The following FGF17 variants were observed in gnomAD, a reference collection of about 807,000 sequenced individuals.
FGF17 encodes fibroblast growth factor 17.
FGF17 carries 5 observed loss-of-function variants against 23.5 expected under a neutral mutation model. The ratio of observed to expected loss-of-function variants is 0.21; its 90% CI spans 0.11 to 0.45. The LOEUF (loss-of-function observed/expected upper bound fraction) is 0.45, where lower values mean the gene tolerates loss of function less well. Among genes scored for constraint, FGF17 ranks in the 20% least tolerant of loss-of-function variants. The pLI is 0.99. For missense variants in FGF17, 221 were observed against 306.9 expected, an observed-to-expected ratio of 0.72 and a Z score of 2.09; for synonymous variants, 136 against 123.0, an observed-to-expected ratio of 1.11 and a Z score of -0.70.
intron 4 of FGF17, among the ~76,000 whole-genome samples, chr8:22,047,546 T>G (rs371672532): frequency 6.6e-6 from 1 of 152,232 alleles, no homozygotes; most frequent in Non-Finnish European, 1.5e-5. Flanking sequence ...CAGAGTGGGA[T>G]GGGTGGCTGC....
chr8:22,043,682 CA>C (rs1456157008), intron 2 of FGF17, among the ~76,000 whole-genome samples: 1 of 152,120 alleles, frequency 6.6e-6, no homozygotes, highest in African/African-American at 2.4e-5. Flanking sequence ...GCACAGAGGT[CA>C]AGCCCAAAGA....
chr8:22,041,247 C>G (rs1352336028), upstream of FGF17, among the ~76,000 whole-genome samples: 1 of 152,200 alleles, frequency 6.6e-6, no homozygotes, highest in East Asian at 1.9e-4. Context: ...CGAGGAAGAG[C>G]CTGCGGAGAG....
chr8:22,044,447 G>A (rs1294837478), intron 2 of FGF17: 1 of 152,180 alleles, frequency 6.6e-6, no homozygotes, highest in Non-Finnish European at 1.5e-5. Context: ...GGGGGGCGTG[G>A]GGCTGCTTTT....
At position 22,046,236 on chromosome 8, in the gene FGF17, C is replaced by T. The variant is rs34862316; in HGVS notation, c.195C>T (p.His65=). The T allele has an allele frequency of 4.3e-5, 70 of 1,613,900 alleles. 3 individuals carry two copies. The Middle Eastern group carries it at 6.2e-3, about 144-fold the overall frequency. ...YQLYSRTSGK[H]VQVTGRRISA... is the part of the protein sequence containing the mutation. Reference sequence around the variant, plus strand: ...TCTACAGCAGGACCAGTGGCAAGCACGTGCAGGTCACCGGGCGTCGCATCT... The same window carrying T: ...TCTACAGCAGGACCAGTGGCAAGCATGTGCAGGTCACCGGGCGTCGCATCT... The change falls in exon 3 of 5, where the codon CAC becomes CAT. Residue 65 remains histidine (H), a synonymous_variant. Coordinates refer to ENST00000359441, the MANE Select transcript of FGF17 (RefSeq NM_003867.4).
chr8:22,046,764 C>T (rs902962443), intron 4 of FGF17, 131 bp downstream of exon 4: 1 of 656,136 alleles, frequency 1.5e-6, no homozygotes, highest in Non-Finnish European at 2.6e-6. Context: ...CTACTCTCAG[C>T]CCACCCACTG....
Position 22,042,938 on chromosome 8 carries a change from G to A in FGF17, c.10G>A (p.Ala4Thr), listed in dbSNP as rs768693462. The change falls in exon 1 of 5, where the codon GCC becomes ACC. Residue 4 changes from alanine (A) to threonine (T), a missense_variant. Ala to Thr is a moderately conservative substitution (Grantham distance 58). This residue lies in a region of FGF17 where 35 missense variants were observed against 35.5 expected (regional missense o/e 0.99). Coordinates refer to ENST00000359441, the MANE Select transcript of FGF17 (RefSeq NM_003867.4). ...AGGAACCTCTCCAGCGATGGGAGCC[G>A]CCCGCCTGCTGCCCAACCTCACTCT... is the stretch of plus-strand genomic sequence containing the variant. MGA[A>T]RLLPNLTLCL... The A allele has an allele frequency of 3.7e-6, 6 of 1,613,028 alleles. No individual in the cohort carries two copies. The highest frequency in any genetic ancestry group is 1.7e-5 in the Admixed American group (1 of 59,914).
chr8:22,045,989 T>G lies in FGF17; in HGVS notation c.73-125T>G, dbSNP rs746268776. On this transcript the variant is annotated intron_variant, in intron 2 of 4. Coordinates refer to ENST00000359441, the MANE Select transcript of FGF17 (RefSeq NM_003867.4). The stretch of plus-strand genomic sequence containing the variant: ...GGGAAGGCTATGGCCATATGCCCAC[T>G]TCACTCTGCAGGACAAGTGGCCTGT... The G allele has an allele frequency of 5.1e-6, 8 of 1,579,676 alleles. No homozygotes were observed. The African/African-American group carries it at 8.1e-5, about 16-fold the overall frequency.
chr8:22,046,756 A>C, intron 4 of FGF17, 123 bp downstream of exon 4: 1 of 670,426 alleles, frequency 1.5e-6, no homozygotes, highest in East Asian at 2.9e-5. Flanking sequence ...TTCCCATCCT[A>C]CTCTCAGCCC....
upstream of FGF17, chr8:22,042,766 CT>C (rs1800759622): frequency 1.5e-6 from 1 of 659,384 alleles, no homozygotes; most frequent in Non-Finnish European, 2.7e-6. Context: ...CTCCTCCTCC[CT>C]CTTTTCTCTC....
At chr8:22,047,910 C>T in intron 4 of FGF17, 46 bp from the exon 5 acceptor site, 1 of 1,566,838 alleles carries the variant, frequency 6.4e-7, no homozygotes, top group Non-Finnish European at 8.7e-7. Flanking sequence ...CACCCCAGAC[C>T]AGGGTAGGTG....
At position 22,048,757 on chromosome 8, in the gene FGF17, C is replaced by T; in HGVS notation, c.*508C>T. 1 of 153,626 alleles carries T rather than the reference C, an allele frequency of 6.5e-6. No homozygotes were observed. Among genetic ancestry groups the T allele is most frequent in the Non-Finnish European group, 1.4e-5 (1 of 69,026 alleles). 9.5% of individuals were successfully genotyped at this position (153,626 alleles called of 1,614,324 possible). A position where few individuals can be genotyped will look rare whatever the true frequency, so the allele number is the denominator to read the frequency against. Reference sequence around the variant, plus strand: ...CACTCCTCACATTCCACGACCCAGGCCTGCACCCCACCCCCAACTCCCAGC... The same window carrying T: ...CACTCCTCACATTCCACGACCCAGGTCTGCACCCCACCCCCAACTCCCAGC... On this transcript the variant is annotated 3_prime_UTR_variant, in exon 5 of 5. Transcript: ENST00000359441. This position sits in a 1 kb window ranked among gnomAD's most constrained non-coding sequence, Gnocchi z 6.9.
intron 2 of FGF17, chr8:22,045,226 G>T (rs1312261554): frequency 1.0e-6 from 1 of 985,442 alleles, no homozygotes; most frequent in African/African-American, 1.7e-5. Context: ...AACCCAAAGG[G>T]GAAGCAGGTG....
chr8:22,043,511 A>G (rs1384399630), intron 2 of FGF17, among the ~76,000 whole-genome samples: 2 of 152,124 alleles, frequency 1.3e-5, no homozygotes, highest in Non-Finnish European at 2.9e-5. Context: ...GGCTCAGGTG[A>G]GGCTTGGGTT....
intron 1 of FGF17, 29 bp from the exon 2 acceptor site, chr8:22,043,116 A>T (rs1469348429): frequency 6.2e-7 from 1 of 1,613,212 alleles, no homozygotes; most frequent in Non-Finnish European, 8.5e-7. Context: ...TGGCACCCAC[A>T]CCTGGGCTTA....
intron 2 of FGF17, chr8:22,044,569 C>A: frequency 1.9e-6 from 1 of 524,536 alleles, no homozygotes; most frequent in Non-Finnish European, 2.4e-6. Context: ...GGGCGGAGGG[C>A]CTGAACCTGG....
upstream of FGF17, among the ~76,000 whole-genome samples, chr8:22,042,229 C>G (rs932717731): frequency 6.6e-6 from 1 of 152,222 alleles, no homozygotes; most frequent in Non-Finnish European, 1.5e-5. Flanking sequence ...TACCTGCCAA[C>G]CCACCTCTGA....
chr8:22,045,023 A>G (rs1800832990), intron 2 of FGF17: 27 of 985,618 alleles, frequency 2.7e-5, no homozygotes, highest in Non-Finnish European at 3.1e-5. Flanking sequence ...AAAAAGGTAC[A>G]TTCTCATGCT....
chr8:22,040,271 TA>T (rs1800718601), upstream of FGF17, among the ~76,000 whole-genome samples: 1 of 152,228 alleles, frequency 6.6e-6, no homozygotes, highest in African/African-American at 2.4e-5. Flanking sequence ...TTCCTTTTTA[TA>T]AACTGGGACC....
chr8:22,041,579 GCT>G (rs1235377237), upstream of FGF17, among the ~76,000 whole-genome samples: 1 of 152,126 alleles, frequency 6.6e-6, no homozygotes, highest in African/African-American at 2.4e-5. Flanking sequence ...ACAGCATGGA[GCT>G]CTCTGTTCAC....
Sources: allele counts gnomAD v4.1 joint callset (sites outside exome capture counted in the v4.1 genomes callset), GRCh38; gene constraint gnomAD v4.1.1; regional missense constraint gnomAD v4.1.1; non-coding constraint Gnocchi (gnomAD v3.1); transcripts MANE v1.5; gene names NCBI Gene and HGNC (gene_info 2026-07-23, HGNC 2026-07-21).